The following NF2 variants were observed in gnomAD, a reference collection of about 807,000 sequenced individuals.
NF2 encodes the protein merlin.
NF2 carries 8 observed loss-of-function variants against 83.7 expected under a neutral mutation model. The observed-to-expected ratio is 0.10, with a 90% confidence interval of 0.06 to 0.17. The LOEUF (loss-of-function observed/expected upper bound fraction) is 0.17. Among genes scored for constraint, NF2 ranks in the 10% least tolerant of loss-of-function variants. The pLI, the probability that NF2 is intolerant of heterozygous loss-of-function variation, is 1.00. For missense variants in NF2, 533 were observed against 744.4 expected (o/e 0.72, Z 3.31); for synonymous variants, 266 against 269.6 (o/e 0.99, Z 0.13).
At chr22:29,680,148 A>G (rs1184473187) in intron 14 of NF2, among the ~76,000 whole-genome samples, 3 of 149,858 alleles carry the variant, frequency 2.0e-5, no homozygotes, top group African/African-American at 7.4e-5. Flanking sequence ...GTCTCACTCC[A>G]TCGCCCAGGC....
intron 10 of NF2, 56 bp from the exon 11 acceptor site, chr22:29,671,770 G>A (rs2147069755): frequency 6.2e-7 from 1 of 1,611,296 alleles, no homozygotes; most frequent in Non-Finnish European, 8.5e-7. Context: ...GGCCCTTGTG[G>A]CACCCTAGGT....
chr22:29,644,640 T>G (rs113557345), intron 4 of NF2, among the ~76,000 whole-genome samples: 2,010 of 152,272 alleles, frequency 0.013, 31 homozygotes, highest in African/African-American at 0.047. Context: ...CATTGAGCAC[T>G]GAGTGAACGA....
chr22:29,619,386 T>TTTTTG (rs1555982229), intron 1 of NF2, among the ~76,000 whole-genome samples: 1 of 148,606 alleles, frequency 6.7e-6, no homozygotes, highest in Admixed American at 6.7e-5. Context: ...CATGGGTTTT[T>TTTTTG]TTTGTTTGTT....
rs1203203045 is a variant in NF2, at chr22:29,695,411, G to A, written c.*609G>A. The A allele has an allele frequency of 1.1e-5, 3 of 262,000 alleles. No individual in the cohort carries two copies. The highest frequency in any genetic ancestry group is 4.7e-5 in the Admixed American group (1 of 21,212). The allele number at this position is 262,000 out of a possible 1,614,324, so 16.2% of individuals were successfully genotyped here. A position where few individuals can be genotyped will look rare whatever the true frequency, so the allele number is the denominator to read the frequency against. ...TCTGGCTGGCAGCTGGTGGGGAATA[G>A]GCAGGGCAGCTGTGGCTGGGGAGAG... On this transcript the variant is annotated 3_prime_UTR_variant, in exon 16 of 16. Coordinates refer to ENST00000338641, the MANE Select transcript of NF2 (RefSeq NM_000268.4). This position sits in a 1 kb window ranked among gnomAD's most constrained non-coding sequence, Gnocchi z 5.4.
intron 10 of NF2, 87 bp from the exon 11 acceptor site, chr22:29,671,739 A>C: frequency 6.3e-7 from 1 of 1,590,796 alleles, no homozygotes; most frequent in Non-Finnish European, 8.6e-7. Context: ...AAAAGGGGAG[A>C]CTGGAGATGG....
At chr22:29,644,971 G>A (rs1054021721) in intron 4 of NF2, among the ~76,000 whole-genome samples, 3 of 151,820 alleles carry the variant, frequency 2.0e-5, no homozygotes, top group Non-Finnish European at 4.4e-5. Flanking sequence ...GAGAGGGAGA[G>A]GGCACTTGTG....
chr22:29,685,562 C>T (rs1428676952), intron 15 of NF2, among the ~76,000 whole-genome samples: 1 of 151,984 alleles, frequency 6.6e-6, no homozygotes, highest in African/African-American at 2.4e-5. Context: ...CATTTGCCAC[C>T]ATGCCTGACT....
At position 29,603,798 on chromosome 22, in the gene NF2, G is replaced by A; in HGVS notation, c.-201G>A. The stretch of plus-strand genomic sequence containing the variant: ...GCCCTCCCTGCAGCCGTCAGGGCCC[G>A]TCCCCCAACTCCCCTTTCCGCTCAG... On this transcript the variant is annotated 5_prime_UTR_variant, in exon 1 of 16. Coordinates refer to ENST00000338641, the MANE Select transcript of NF2 (RefSeq NM_000268.4). 5.2e-6 allele frequency: 3 copies of A among 573,754 alleles called. No individual in the cohort carries two copies. Among genetic ancestry groups the A allele is most frequent in the Non-Finnish European group, 9.2e-6 (3 of 325,712 alleles). The allele number at this position is 573,754 out of a possible 1,614,324, so 35.5% of individuals were successfully genotyped here. A position where few individuals can be genotyped will look rare whatever the true frequency, so the allele number is the denominator to read the frequency against.
rs149872138 is a variant in NF2, at chr22:29,664,956, C to T, written c.811-34C>T. Reference sequence around the variant, plus strand: ...AATTGCTGGTAACATTCCAGGCTGTCGGACTGAAACTGTGTTCTGCTTCAT... The same window carrying T: ...AATTGCTGGTAACATTCCAGGCTGTTGGACTGAAACTGTGTTCTGCTTCAT... On this transcript the variant is annotated intron_variant, in intron 8 of 15. Transcript: ENST00000338641. 1.1e-4 allele frequency: 170 copies of T among 1,486,770 alleles called. 1 individual carries two copies. The East Asian group carries it at 3.5e-3, about 30-fold the overall frequency. 92.1% of individuals were successfully genotyped at this position (1,486,770 alleles called of 1,614,324 possible). A position where few individuals can be genotyped will look rare whatever the true frequency, so the allele number is the denominator to read the frequency against.
chr22:29,683,670 G>C (rs1601671354), intron 15 of NF2: 1 of 1,077,130 alleles, frequency 9.3e-7, no homozygotes, highest in African/African-American at 1.6e-5. Flanking sequence ...TGGACTGTCT[G>C]TTCATCTGTG....
intron 4 of NF2, among the ~76,000 whole-genome samples, chr22:29,647,948 C>T (rs1289710327): frequency 2.6e-5 from 4 of 151,084 alleles, no homozygotes; most frequent in African/African-American, 4.8e-5. Context: ...TAGGTGCCTA[C>T]GAAAATAAAT....
Position 29,667,017 on chromosome 22 carries a change from G to C in NF2, c.886-1316G>C, listed in dbSNP as rs536323880. On this transcript the variant is annotated intron_variant, in intron 9 of 15. Transcript: ENST00000338641. ...TACATAAAAATAAATCAAAAATAGA[G>C]CTTAGAGTATATACACAGGAGTAGA... is the stretch of plus-strand genomic sequence containing the variant. Among the ~76,000 whole-genome samples the C allele has an allele frequency of 1.6e-4, 24 of 152,150 alleles. No homozygotes were observed. In the South Asian group the frequency reaches 5.0e-3, roughly 32 times the overall value.
intron 11 of NF2, among the ~76,000 whole-genome samples, chr22:29,672,338 G>A (rs939767745): frequency 7.0e-6 from 1 of 143,616 alleles, no homozygotes; most frequent in South Asian, 2.2e-4. Flanking sequence ...TTGAGACGGA[G>A]TCTCGCTCTG....
intron 4 of NF2, among the ~76,000 whole-genome samples, chr22:29,653,989 G>T (rs1411373014): frequency 7.5e-6 from 1 of 133,848 alleles, no homozygotes; most frequent in African/African-American, 2.6e-5. Flanking sequence ...TAGGAAAGGA[G>T]TTTTTTTTTT....
At chr22:29,650,014 A>G (rs1000277452) in intron 4 of NF2, among the ~76,000 whole-genome samples, 11 of 152,132 alleles carry the variant, frequency 7.2e-5, no homozygotes, top group African/African-American at 2.7e-4. Context: ...TATACCTACT[A>G]TGTACCCACA....
chr22:29,624,270 C>T (rs1003934697), intron 1 of NF2, among the ~76,000 whole-genome samples: 1 of 152,020 alleles, frequency 6.6e-6, no homozygotes. Flanking sequence ...TGCAGTGGCA[C>T]GATCTCGGCT....
intron 1 of NF2, among the ~76,000 whole-genome samples, chr22:29,608,197 AGTACAATAACAAATTT>A (rs2064852935): frequency 7.0e-6 from 1 of 143,030 alleles, no homozygotes; most frequent in Non-Finnish European, 1.5e-5. Context: ...AAAAAAAAAA[AGTACAATAACAAATTT>A]AAAAATTAAC....
intron 4 of NF2, among the ~76,000 whole-genome samples, chr22:29,646,225 A>G (rs867383751): frequency 6.6e-6 from 1 of 152,224 alleles, no homozygotes; most frequent in Non-Finnish European, 1.5e-5. Flanking sequence ...GTGCAAACTC[A>G]CAATACTTTT....
chr22:29,645,278 C>A (rs75445454), intron 4 of NF2, among the ~76,000 whole-genome samples: 2,331 of 152,156 alleles, frequency 0.015, 50 homozygotes, highest in African/African-American at 0.053. Flanking sequence ...AGTTGTTGAC[C>A]ATCTCATAGT....
Sources: allele counts gnomAD v4.1 joint callset (sites outside exome capture counted in the v4.1 genomes callset), GRCh38; gene constraint gnomAD v4.1.1; non-coding constraint Gnocchi (gnomAD v3.1); transcripts MANE v1.5; gene names NCBI Gene and HGNC (gene_info 2026-07-23, HGNC 2026-07-21).